TCF3: variants seen among roughly 807,000 people sequenced by gnomAD.
TCF3 encodes the protein transcription factor 3, also known as transcription factor E2-alpha.
In TCF3, 54 loss-of-function variants were observed where a neutral mutation model predicts 72.3. The observed-to-expected ratio is 0.75, with a 90% CI of 0.60 to 0.94. The LOEUF (loss-of-function observed/expected upper bound fraction) is 0.94. TCF3 is among the 40% of genes least tolerant of loss of function. TCF3 has a pLI of 0.00. For synonymous variants in TCF3, 525 were observed against 412.6 expected, an observed-to-expected ratio of 1.27 and a Z score of -3.30; for missense variants, 1,078 against 934.4, an observed-to-expected ratio of 1.15 and a Z score of -2.00.
Position 1,611,315 on chromosome 19 carries a change from T to C in TCF3, c.*392A>G. ...TCTCCGCTTTTTATAGTTAAGGCATTTTTTTCTTCTCTGACAAAGTGTATG... is the reference window on the plus strand; with the variant it reads ...TCTCCGCTTTTTATAGTTAAGGCATCTTTTTCTTCTCTGACAAAGTGTATG... On this transcript the variant is annotated 3_prime_UTR_variant, in exon 19 of 19. Coordinates refer to ENST00000262965, the MANE Select transcript of TCF3 (RefSeq NM_003200.5). 1 of 381,620 alleles carries C rather than the reference T, an allele frequency of 2.6e-6. No individual in the cohort carries two copies. The highest frequency in any genetic ancestry group is 4.6e-6 in the Non-Finnish European group (1 of 215,606). The allele number at this position is 381,620 out of a possible 1,614,324, so 23.6% of individuals were successfully genotyped here.
At chr19:1,624,229 C>G (rs1395318007) in intron 7 of TCF3, among the ~76,000 whole-genome samples, 1 of 152,202 alleles carries the variant, frequency 6.6e-6, no homozygotes, top group African/African-American at 2.4e-5. Context: ...AACCCCGTCT[C>G]TACTGAAAAT....
chr19:1,650,551 C>T (rs112630311), intron 1 of TCF3: 42 of 366,746 alleles, frequency 1.1e-4, no homozygotes, highest in African/African-American at 7.6e-4. Flanking sequence ...CAAATATAAA[C>T]TCCCTAACTC....
intron 3 of TCF3, among the ~76,000 whole-genome samples, chr19:1,640,132 G>A (rs1350361460): frequency 6.6e-6 from 1 of 152,268 alleles, no homozygotes; most frequent in East Asian, 1.9e-4. Flanking sequence ...AAAGACAGGC[G>A]CCTCCAAACG....
Position 1,621,985 on chromosome 19 carries a change from A to C in TCF3, c.823-15T>G. ...AGCTGGTAGCCCTGGGGGGTCAGGC[A>C]GGAGGAGGGTGGGTTAGATGGGCAC... On this transcript the variant is annotated splice_polypyrimidine_tract_variant and intron_variant, in intron 10 of 18. Transcript: ENST00000262965. 1 of 1,603,060 alleles carries C rather than the reference A, an allele frequency of 6.2e-7. No homozygotes were observed. The highest frequency in any genetic ancestry group is 2.2e-5 in the East Asian group (1 of 44,482).
intron 2 of TCF3, 35 bp downstream of exon 2, chr19:1,650,142 G>A (rs1335988415): frequency 6.5e-7 from 1 of 1,537,786 alleles, no homozygotes; most frequent in Non-Finnish European, 8.8e-7. Flanking sequence ...TGGAGGCAAA[G>A]GGGTGTCGGG....
chr19:1,649,998 C>T (rs2066757807), intron 2 of TCF3, among the ~76,000 whole-genome samples, 179 bp downstream of exon 2: 1 of 152,182 alleles, frequency 6.6e-6, no homozygotes, highest in Admixed American at 6.5e-5. Flanking sequence ...ACACGTGCTG[C>T]CGTGCGCTGT....
rs78615814 is a variant in TCF3 at position 1,643,089 on chromosome 19, G to A, written c.145+3266C>T. 2.6e-3 allele frequency among the ~76,000 whole-genome samples: 399 copies of A among 152,346 alleles called. 1 individual carries two copies. Among genetic ancestry groups the A allele is most frequent in the African/African-American group, 8.9e-3 (369 of 41,594 alleles). ...GATAGGCTGTCACTCAGAGACCTGT[G>A]CCTGAGGGTTTCCAAAAATGGGAGG... On this transcript the variant is annotated intron_variant, in intron 3 of 18. Transcript: ENST00000262965.
At chr19:1,648,902 C>G (rs1341710901) in intron 2 of TCF3, among the ~76,000 whole-genome samples, 1 of 152,104 alleles carries the variant, frequency 6.6e-6, no homozygotes, top group African/African-American at 2.4e-5. Flanking sequence ...CTCCAGGAAC[C>G]CATAACACAT....
intron 3 of TCF3, among the ~76,000 whole-genome samples, chr19:1,640,294 G>A (rs2065048639): frequency 6.6e-6 from 1 of 152,142 alleles, no homozygotes; most frequent in Non-Finnish European, 1.5e-5. Context: ...CCAGCACTTT[G>A]GGAGGCCGAG....
intron 5 of TCF3, chr19:1,631,801 C>A (rs562011186): frequency 9.0e-7 from 1 of 1,110,470 alleles, no homozygotes; most frequent in East Asian, 2.6e-5. Context: ...GGAACGGCCT[C>A]CCTGCCTCTA....
intron 2 of TCF3, among the ~76,000 whole-genome samples, chr19:1,648,624 T>C (rs1413878225): frequency 1.3e-5 from 2 of 152,228 alleles, no homozygotes; most frequent in African/African-American, 2.4e-5. Context: ...AATACCAGCA[T>C]GGCCCTTCCG....
chr19:1,624,278 T>C (rs535058415), intron 7 of TCF3, among the ~76,000 whole-genome samples: 18 of 151,894 alleles, frequency 1.2e-4, no homozygotes, highest in Non-Finnish European at 2.2e-4. Flanking sequence ...TGCCTATAAT[T>C]CCAGCTACTC....
chr19:1,633,075 G>A (rs768806927), intron 3 of TCF3, among the ~76,000 whole-genome samples: 7 of 150,172 alleles, frequency 4.7e-5, no homozygotes, highest in African/African-American at 7.3e-5. Flanking sequence ...GGGACGGGAC[G>A]AGGACCTTGG....
intron 3 of TCF3, among the ~76,000 whole-genome samples, chr19:1,635,763 A>G (rs767868630): frequency 3.9e-5 from 6 of 152,254 alleles, no homozygotes; most frequent in Non-Finnish European, 8.8e-5. Flanking sequence ...AAAAATGTGT[A>G]TATGGCTAAT....
intron 2 of TCF3, among the ~76,000 whole-genome samples, chr19:1,648,904 A>G (rs937525950): frequency 2.6e-5 from 4 of 151,908 alleles, no homozygotes; most frequent in Non-Finnish European, 5.9e-5. Context: ...CCAGGAACCC[A>G]TAACACATGG....
chr19:1,642,281 G>C (rs1359446230), intron 3 of TCF3, among the ~76,000 whole-genome samples: 3 of 129,978 alleles, frequency 2.3e-5, no homozygotes, highest in South Asian at 3.0e-4. Context: ...CACACGCACA[G>C]ACGCGCACAC....
intron 16 of TCF3, among the ~76,000 whole-genome samples, chr19:1,617,357 T>C (rs1480084958): frequency 6.6e-6 from 1 of 152,152 alleles, no homozygotes; most frequent in Non-Finnish European, 1.5e-5. Context: ...ACACACAACA[T>C]AAGCCAGCAA....
chr19:1,631,973 C>CA (rs1315032829), intron 5 of TCF3, 65 bp downstream of exon 5: 1 of 1,577,952 alleles, frequency 6.3e-7, no homozygotes. Flanking sequence ...GTGCACTGAC[C>CA]ATGCCAAGGC....
At chr19:1,627,518 C>T in intron 5 of TCF3, 92 bp from the exon 6 acceptor site, 1 of 1,156,334 alleles carries the variant, frequency 8.6e-7, no homozygotes, top group Middle Eastern at 2.2e-4. Context: ...AATAGGCTCT[C>T]AGTAAGTGCA....
Sources: gnomAD v4.1 joint callset for allele counts (sites outside exome capture counted in the v4.1 genomes callset) on GRCh38, gnomAD v4.1.1 for gene constraint, MANE v1.5 for transcripts, NCBI Gene and HGNC (gene_info 2026-07-23, HGNC 2026-07-21) for gene names.